The following CATSPERB variants were observed in gnomAD, a reference collection of about 807,000 sequenced individuals.
CATSPERB encodes the protein cation channel sperm-associated auxiliary subunit beta.
CATSPERB carries 93 observed loss-of-function variants against 128.3 expected under a neutral mutation model. The observed-to-expected ratio is 0.72, with a 90% CI of 0.61 to 0.86. The LOEUF is 0.86. CATSPERB is among the 40% of genes least tolerant of loss of function. The pLI is 0.00. For synonymous variants in CATSPERB, 381 were observed against 448.8 expected, an observed-to-expected ratio of 0.85 and a Z score of 1.91; for missense variants, 1,153 against 1,329.5, an observed-to-expected ratio of 0.87 and a Z score of 2.06.
chr14:91,717,979 T>G (rs1895970639), intron 5 of CATSPERB, among the ~76,000 whole-genome samples: 1 of 152,218 alleles, frequency 6.6e-6, no homozygotes, highest in African/African-American at 2.4e-5. Context: ...GGTCTTTTTC[T>G]AAAATCCTTA....
intron 22 of CATSPERB, among the ~76,000 whole-genome samples, chr14:91,598,483 C>T (rs1308267677): frequency 1.3e-5 from 2 of 152,010 alleles, no homozygotes; most frequent in Non-Finnish European, 2.9e-5. Flanking sequence ...AATTATTTAC[C>T]TAGATTATTT....
intron 14 of CATSPERB, among the ~76,000 whole-genome samples, chr14:91,660,919 T>C (rs1011642485): frequency 3.9e-5 from 6 of 152,146 alleles, no homozygotes; most frequent in African/African-American, 1.4e-4. Flanking sequence ...ATTTTTATGG[T>C]AGGGAGGACA....
At chr14:91,656,523 T>C (rs141214848) in intron 15 of CATSPERB, among the ~76,000 whole-genome samples, 381 of 152,088 alleles carry the variant, frequency 2.5e-3, no homozygotes, top group African/African-American at 8.7e-3. Flanking sequence ...TCAGTGAGCT[T>C]GAAGACAGAA....
At chr14:91,658,053 G>A (rs1331900723) in intron 15 of CATSPERB, among the ~76,000 whole-genome samples, 2 of 149,812 alleles carry the variant, frequency 1.3e-5, no homozygotes, top group Non-Finnish European at 3.0e-5. Flanking sequence ...CCAAAAAAGA[G>A]ATCAGTACAT....
At chr14:91,617,198 G>A (rs192946272) in intron 20 of CATSPERB, among the ~76,000 whole-genome samples, 25 of 152,252 alleles carry the variant, frequency 1.6e-4, no homozygotes, top group African/African-American at 6.0e-4. Flanking sequence ...AATTTTTAAT[G>A]TGATATTTGC....
At chr14:91,594,268 A>C (rs1893461033) in intron 22 of CATSPERB, among the ~76,000 whole-genome samples, 2 of 151,670 alleles carry the variant, frequency 1.3e-5, no homozygotes, top group Non-Finnish European at 2.9e-5. Flanking sequence ...AAAGGTGGGA[A>C]TTGAACAATG....
chr14:91,599,428 G>C (rs903200489), intron 22 of CATSPERB, among the ~76,000 whole-genome samples: 4 of 151,334 alleles, frequency 2.6e-5, no homozygotes, highest in Non-Finnish European at 3.0e-5. Context: ...GTGTGGTGGC[G>C]GGCGCCTGTA....
At chr14:91,609,945 C>G (rs559309769) in intron 21 of CATSPERB, among the ~76,000 whole-genome samples, 48 of 152,146 alleles carry the variant, frequency 3.2e-4, no homozygotes, top group African/African-American at 9.2e-4. Context: ...GGTCTCGATA[C>G]CCTGACCTCA....
intron 17 of CATSPERB, among the ~76,000 whole-genome samples, chr14:91,631,986 G>A (rs1473826976): frequency 1.3e-5 from 2 of 151,784 alleles, no homozygotes; most frequent in Admixed American, 1.3e-4. Context: ...GAAAAGAATG[G>A]AAAGAGGAGA....
At chr14:91,598,317 T>C (rs1464383955) in intron 22 of CATSPERB, among the ~76,000 whole-genome samples, 1 of 152,004 alleles carries the variant, frequency 6.6e-6, no homozygotes, top group Non-Finnish European at 1.5e-5. Flanking sequence ...AAAGGACACA[T>C]TTTTCTTTCT....
intron 19 of CATSPERB, among the ~76,000 whole-genome samples, chr14:91,620,730 C>A (rs1468972555): frequency 6.6e-6 from 1 of 152,084 alleles, no homozygotes; most frequent in African/African-American, 2.4e-5. Context: ...TCAAGGAGCC[C>A]TGTATATACC....
At chr14:91,604,645 G>A in intron 22 of CATSPERB, 4 of 1,611,976 alleles carry the variant, frequency 2.5e-6, no homozygotes, top group South Asian at 1.1e-5. Context: ...GGGTGCACCA[G>A]GTCTGAGTGT....
In CATSPERB at chr14:91,580,720, A is replaced by G; in HGVS notation, c.*169T>C. The G allele has an allele frequency of 1.6e-6, 1 of 622,400 alleles. No homozygotes were observed. Among genetic ancestry groups the G allele is most frequent in the Non-Finnish European group, 2.8e-6 (1 of 359,168 alleles). The allele number at this position is 622,400 out of a possible 1,614,324, so 38.6% of individuals were successfully genotyped here. On this transcript the variant is annotated 3_prime_UTR_variant, in exon 27 of 27. Coordinates refer to ENST00000256343, the MANE Select transcript of CATSPERB (RefSeq NM_024764.4). ...CCCTGGCATAAGACATTTTCTATGTATTCAAAATAAGAAAAGGAAATGGTG... is the reference window on the plus strand; with the variant it reads ...CCCTGGCATAAGACATTTTCTATGTGTTCAAAATAAGAAAAGGAAATGGTG...
chr14:91,693,645 G>C (rs767497843), intron 7 of CATSPERB, among the ~76,000 whole-genome samples, 166 bp from the exon 8 acceptor site: 10 of 152,138 alleles, frequency 6.6e-5, no homozygotes, highest in Non-Finnish European at 1.3e-4. Context: ...CATAATATTA[G>C]CCAACCATCT....
chr14:91,587,476 A>AT (rs1893324019), intron 25 of CATSPERB, among the ~76,000 whole-genome samples, 200 bp from the exon 26 acceptor site: 2 of 74,802 alleles, frequency 2.7e-5, no homozygotes, highest in African/African-American at 1.2e-4. Flanking sequence ...AATAGCTGAT[A>AT]CTTTTTTTTT....
At chr14:91,681,841 C>T (rs1235619703) in intron 11 of CATSPERB, among the ~76,000 whole-genome samples, 1 of 152,244 alleles carries the variant, frequency 6.6e-6, no homozygotes, top group Non-Finnish European at 1.5e-5. Flanking sequence ...ATACATCACA[C>T]TCAGGTGAAG....
At chr14:91,639,317 A>G (rs549834067) in intron 15 of CATSPERB, 67 bp from the exon 16 acceptor site, 48 of 1,354,790 alleles carry the variant, frequency 3.5e-5, no homozygotes, top group Admixed American at 6.0e-5. Context: ...TTAATATCAT[A>G]CCTTGTAAAG....
chr14:91,648,818 A>T lies in CATSPERB; in HGVS notation c.1433-9568T>A, dbSNP rs117984905. Among the ~76,000 whole-genome samples, 421 of 152,244 alleles carry T rather than the reference A, an allele frequency of 2.8e-3. 3 individuals are homozygous for T. Among genetic ancestry groups the T allele is most frequent in the Middle Eastern group, 0.01 (3 of 292 alleles). The stretch of plus-strand genomic sequence containing the variant: ...TTTTCACTCCTGGCAATATATTTCA[A>T]GATTTTAAAATCCAAAATAAGACTC... On this transcript the variant is annotated intron_variant, in intron 15 of 26. Transcript: ENST00000256343.
At chr14:91,623,955 A>G (rs1179846795) in intron 18 of CATSPERB, among the ~76,000 whole-genome samples, 1 of 152,208 alleles carries the variant, frequency 6.6e-6, no homozygotes. Flanking sequence ...ATTTCTTCTG[A>G]TCACTCTTCA....
Sources: allele counts gnomAD v4.1 joint callset (sites outside exome capture counted in the v4.1 genomes callset), GRCh38; gene constraint gnomAD v4.1.1; transcripts MANE v1.5; gene names NCBI Gene and HGNC (gene_info 2026-07-23, HGNC 2026-07-21).